The following RIPOR2 variants were observed in gnomAD, a reference collection of about 807,000 sequenced individuals.
RIPOR2 encodes the protein RHO family interacting cell polarization regulator 2.
RIPOR2 carries 39 observed loss-of-function variants against 114.5 expected under a neutral mutation model. That is an observed-to-expected ratio of 0.34 (90% CI 0.26 to 0.44). RIPOR2 has a LOEUF of 0.44. RIPOR2 is among the 20% of genes least tolerant of loss of function. The probability of loss-of-function intolerance (pLI) is 1.00; values close to 1 mark genes in which losing one functional copy is unlikely to be tolerated. For missense variants in RIPOR2, 1,007 were observed against 1,255.1 expected (o/e 0.80, Z 2.99); for synonymous variants, 445 against 484.4 (o/e 0.92, Z 1.07).
At chr6:24,949,310 C>T (rs1772624700) in intron 1 of RIPOR2, among the ~76,000 whole-genome samples, 1 of 152,148 alleles carries the variant, frequency 6.6e-6, no homozygotes, top group African/African-American at 2.4e-5. Flanking sequence ...AAACAAGAAG[C>T]AAAACCCAGA....
chr6:24,826,028 G>A (rs1177249093), intron 18 of RIPOR2, among the ~76,000 whole-genome samples: 7 of 147,470 alleles, frequency 4.7e-5, no homozygotes, highest in Admixed American at 1.4e-4. Context: ...CTAGGTTCAA[G>A]TGATTCTCCT....
chr6:25,036,492 A>G (rs561370805), intron 1 of RIPOR2, among the ~76,000 whole-genome samples: 47 of 152,166 alleles, frequency 3.1e-4, no homozygotes, highest in Admixed American at 7.2e-4. Flanking sequence ...CCTAAGTTCA[A>G]TCAATCCTCC....
chr6:24,820,285 C>A (rs1034858995), intron 19 of RIPOR2, among the ~76,000 whole-genome samples: 5 of 152,202 alleles, frequency 3.3e-5, no homozygotes, highest in African/African-American at 1.2e-4. Context: ...TCCGCCTCGG[C>A]CTCCCAGAGT....
intron 1 of RIPOR2, among the ~76,000 whole-genome samples, chr6:24,893,643 A>G (rs1219848213): frequency 6.6e-6 from 1 of 152,228 alleles, no homozygotes; most frequent in African/African-American, 2.4e-5. Flanking sequence ...ACTGGCTTCA[A>G]TAAATTCCAG....
intron 1 of RIPOR2, among the ~76,000 whole-genome samples, chr6:24,885,920 G>A (rs555854910): frequency 6.6e-6 from 1 of 152,248 alleles, no homozygotes; most frequent in Non-Finnish European, 1.5e-5. Flanking sequence ...CAATTTTTAG[G>A]TAATTGAAAA....
chr6:24,924,088 C>A (rs1453133383), intron 1 of RIPOR2, among the ~76,000 whole-genome samples: 1 of 152,140 alleles, frequency 6.6e-6, no homozygotes, highest in Non-Finnish European at 1.5e-5. Flanking sequence ...CGCTGGTCTG[C>A]TTTACAGACA....
intron 1 of RIPOR2, among the ~76,000 whole-genome samples, chr6:24,933,635 T>C (rs1384863620): frequency 2.6e-5 from 4 of 152,228 alleles, no homozygotes; most frequent in African/African-American, 2.4e-5. Flanking sequence ...GCATACCACA[T>C]TGAAGTGCAA....
chr6:24,952,717 G>C (rs1772838720), intron 1 of RIPOR2, among the ~76,000 whole-genome samples: 1 of 152,182 alleles, frequency 6.6e-6, no homozygotes, highest in Non-Finnish European at 1.5e-5. Flanking sequence ...TTAACAAACA[G>C]CTCACAACAT....
intron 1 of RIPOR2, among the ~76,000 whole-genome samples, chr6:24,914,791 A>G (rs1450810165): frequency 6.6e-6 from 1 of 152,228 alleles, no homozygotes; most frequent in African/African-American, 2.4e-5. Flanking sequence ...CCAAAATGCA[A>G]CCAATTTAAT....
intron 1 of RIPOR2, chr6:24,877,229 T>C (rs1195057540): frequency 5.1e-6 from 5 of 985,300 alleles, no homozygotes; most frequent in Non-Finnish European, 6.0e-6. Context: ...GGAAGGCAGT[T>C]TGAGCGAGTT....
chr6:24,804,360 A>G lies in RIPOR2; in HGVS notation c.*2013T>C, dbSNP rs539851577. ...AATGAATACAAATGCCACACAACTA[A>G]AAGCACCCCTCAACCAAACATAAAA... On this transcript the variant is annotated 3_prime_UTR_variant, in exon 22 of 22. Transcript: ENST00000643898. 144 of 149,920 alleles carry G rather than the reference A, an allele frequency of 9.6e-4. 1 individual carries two copies. The highest frequency in any genetic ancestry group is 3.4e-3 in the African/African-American group (138 of 40,480). The allele number at this position is 149,920 out of a possible 1,614,324, so 9.3% of individuals were successfully genotyped here.
intron 1 of RIPOR2, among the ~76,000 whole-genome samples, chr6:24,945,833 AT>A (rs1772376312): frequency 6.6e-6 from 1 of 152,136 alleles, no homozygotes; most frequent in African/African-American, 2.4e-5. Flanking sequence ...TGATACCTCT[AT>A]AAAAAATTTC....
intron 15 of RIPOR2, among the ~76,000 whole-genome samples, chr6:24,833,794 T>C (rs1431476410): frequency 6.6e-6 from 1 of 152,082 alleles, no homozygotes; most frequent in African/African-American, 2.4e-5. Context: ...CCATTGCTCA[T>C]CCCCACAGAA....
chr6:24,884,119 T>A (rs1235097471), intron 1 of RIPOR2, among the ~76,000 whole-genome samples: 7 of 152,096 alleles, frequency 4.6e-5, no homozygotes, highest in Admixed American at 6.6e-5. Context: ...TTAAAGTAAA[T>A]CAAAGCAGGC....
At chr6:25,040,412 G>A (rs954270773) in intron 1 of RIPOR2, among the ~76,000 whole-genome samples, 1 of 152,004 alleles carries the variant, frequency 6.6e-6, no homozygotes, top group Non-Finnish European at 1.5e-5. Flanking sequence ...CACCGCGCCC[G>A]GCCTGTGTGA....
chr6:24,895,183 G>T (rs998537929), intron 1 of RIPOR2, among the ~76,000 whole-genome samples: 10 of 152,142 alleles, frequency 6.6e-5, no homozygotes, highest in Non-Finnish European at 2.9e-5. Flanking sequence ...CTCCCAAGCA[G>T]CTGGGATTAC....
At chr6:24,990,949 C>G (rs1200600200) in intron 1 of RIPOR2, among the ~76,000 whole-genome samples, 1 of 152,216 alleles carries the variant, frequency 6.6e-6, no homozygotes, top group Non-Finnish European at 1.5e-5. Context: ...CATGCGCACT[C>G]AATGTTCATA....
intron 1 of RIPOR2, among the ~76,000 whole-genome samples, chr6:24,984,258 G>A (rs1025546883): frequency 2.6e-5 from 4 of 152,160 alleles, no homozygotes; most frequent in Non-Finnish European, 5.9e-5. Context: ...GGGTGCAGGC[G>A]GGCTGAGTCC....
chr6:24,824,981 T>C (rs1760027400), intron 19 of RIPOR2, among the ~76,000 whole-genome samples: 1 of 152,232 alleles, frequency 6.6e-6, no homozygotes, highest in Non-Finnish European at 1.5e-5. Context: ...TTAAAAATTA[T>C]GTATGTTAGC....
Sources: allele counts gnomAD v4.1 joint callset (sites outside exome capture counted in the v4.1 genomes callset), GRCh38; gene constraint gnomAD v4.1.1; transcripts MANE v1.5; gene names NCBI Gene and HGNC (gene_info 2026-07-23, HGNC 2026-07-21).